The following CUX2 variants were observed in gnomAD, a reference collection of about 807,000 sequenced individuals.
CUX2 encodes the protein homeobox protein cut-like 2.
In CUX2, 40 loss-of-function variants were observed where a neutral mutation model predicts 144.8. The ratio of observed to expected loss-of-function variants is 0.28; its 90% CI spans 0.21 to 0.36. The LOEUF is 0.36. Among genes scored for constraint, CUX2 ranks in the 10% least tolerant of loss-of-function variants. The pLI is 1.00. For missense variants in CUX2, 1,615 were observed against 1,994.0 expected, an observed-to-expected ratio of 0.81 and a Z score of 3.62; for synonymous variants, 827 against 875.6, an observed-to-expected ratio of 0.94 and a Z score of 0.98.
chr12:111,051,667 T>A (rs1463183975), intron 1 of CUX2, among the ~76,000 whole-genome samples: 4 of 152,246 alleles, frequency 2.6e-5, no homozygotes, highest in African/African-American at 9.6e-5. Context: ...AGTTGGATCA[T>A]GTTTTTTATT....
chr12:111,270,971 G>A (rs1168859443), intron 4 of CUX2, among the ~76,000 whole-genome samples: 1 of 152,108 alleles, frequency 6.6e-6, no homozygotes, highest in African/African-American at 2.4e-5. Flanking sequence ...TTTAGAAGAG[G>A]GATAGTAATA....
At chr12:111,196,760 T>C (rs1424582466) in intron 1 of CUX2, among the ~76,000 whole-genome samples, 2 of 152,190 alleles carry the variant, frequency 1.3e-5, no homozygotes, top group Non-Finnish European at 2.9e-5. Context: ...TGTGATTGCA[T>C]TTCATTTAAA....
At chr12:111,148,832 A>G (rs1046848899) in intron 1 of CUX2, among the ~76,000 whole-genome samples, 13 of 152,086 alleles carry the variant, frequency 8.5e-5, no homozygotes, top group African/African-American at 3.1e-4. Context: ...CCCCTTCTCT[A>G]AAAAAATTTT....
At chr12:111,317,391 T>A (rs896590833) in intron 16 of CUX2, among the ~76,000 whole-genome samples, 71 of 148,446 alleles carry the variant, frequency 4.8e-4, no homozygotes, top group Non-Finnish European at 8.8e-5. Flanking sequence ...TCTGTGTGTA[T>A]GTGTGTACAC....
chr12:111,258,344 CT>C (rs1192699591), intron 3 of CUX2, among the ~76,000 whole-genome samples: 1 of 152,134 alleles, frequency 6.6e-6, no homozygotes, highest in African/African-American at 2.4e-5. Context: ...GAAACCCCGT[CT>C]CTACTAAAAG....
intron 1 of CUX2, among the ~76,000 whole-genome samples, chr12:111,067,784 G>T (rs546063361): frequency 2.0e-4 from 30 of 152,178 alleles, no homozygotes; most frequent in Non-Finnish European, 3.2e-4. Flanking sequence ...AGGGGACAGA[G>T]GGAGGCCATA....
At chr12:111,169,302 C>T (rs1878361737) in intron 1 of CUX2, among the ~76,000 whole-genome samples, 1 of 152,094 alleles carries the variant, frequency 6.6e-6, no homozygotes, top group South Asian at 2.1e-4. Flanking sequence ...CTGGAGCCTG[C>T]AGAGTGAGCG....
intron 1 of CUX2, among the ~76,000 whole-genome samples, chr12:111,182,510 G>A (rs1428019982): frequency 2.0e-5 from 3 of 152,164 alleles, no homozygotes; most frequent in African/African-American, 4.8e-5. Flanking sequence ...TTGTAAACTC[G>A]AGACCATCCG....
chr12:111,146,383 T>C (rs1876675014), intron 1 of CUX2, among the ~76,000 whole-genome samples: 1 of 152,218 alleles, frequency 6.6e-6, no homozygotes, highest in Admixed American at 6.5e-5. Flanking sequence ...CCACTGATCA[T>C]TTTACTGCCT....
intron 18 of CUX2, among the ~76,000 whole-genome samples, chr12:111,330,447 C>A (rs1359352934): frequency 2.0e-5 from 3 of 151,784 alleles, no homozygotes; most frequent in African/African-American, 7.3e-5. Context: ...ATCTTGGACA[C>A]GTTGTCTAAC....
Position 111,312,079 on chromosome 12 carries a change from G to A in CUX2, c.1901-21G>A. ...AGCCCAACATGCAGATCCTGCCACA[G>A]ATGCCTTCTTGCCTCCCCAGGCAGC... On this transcript the variant is annotated intron_variant, in intron 15 of 21. Coordinates refer to ENST00000261726, the MANE Select transcript of CUX2 (RefSeq NM_015267.4). This position sits in a 1 kb window ranked among gnomAD's most constrained non-coding sequence, Gnocchi z 4.3. The A allele has an allele frequency of 6.3e-7, 1 of 1,599,738 alleles. No individual in the cohort carries two copies. The highest frequency in any genetic ancestry group is 8.6e-7 in the Non-Finnish European group (1 of 1,169,416).
intron 6 of CUX2, among the ~76,000 whole-genome samples, chr12:111,294,398 G>T (rs1357372167): frequency 6.6e-6 from 1 of 152,024 alleles, no homozygotes; most frequent in East Asian, 1.9e-4. Context: ...GTAAGTCTGT[G>T]TGCCCATATA....
chr12:111,306,387 C>T (rs991939497), intron 10 of CUX2, among the ~76,000 whole-genome samples: 2 of 150,830 alleles, frequency 1.3e-5, no homozygotes, highest in African/African-American at 4.9e-5. Flanking sequence ...ATCAGCCTGA[C>T]TTCAGGTTCC....
At chr12:111,049,256 C>T (rs1303507146) in intron 1 of CUX2, among the ~76,000 whole-genome samples, 3 of 151,880 alleles carry the variant, frequency 2.0e-5, no homozygotes, top group African/African-American at 4.8e-5. Flanking sequence ...AATTCCTCCA[C>T]CCATCCACCC....
chr12:111,270,007 A>T (rs892303319), intron 4 of CUX2, among the ~76,000 whole-genome samples: 1 of 152,214 alleles, frequency 6.6e-6, no homozygotes, highest in Non-Finnish European at 1.5e-5. Flanking sequence ...ACATTTAAGC[A>T]TAACAAAATG....
intron 1 of CUX2, among the ~76,000 whole-genome samples, chr12:111,140,021 C>T (rs150945918): frequency 1.3e-5 from 2 of 152,290 alleles, no homozygotes; most frequent in African/African-American, 4.8e-5. Context: ...ATCAGTGAGG[C>T]AGTCGTGGGA....
intron 3 of CUX2, among the ~76,000 whole-genome samples, chr12:111,226,930 A>G (rs576516072): frequency 6.6e-6 from 1 of 152,358 alleles, no homozygotes; most frequent in Non-Finnish European, 1.5e-5. Context: ...GTGCGGGGCC[A>G]GTCGGTGGGG....
chr12:111,052,150 C>A (rs1272668862), intron 1 of CUX2, among the ~76,000 whole-genome samples: 1 of 152,188 alleles, frequency 6.6e-6, no homozygotes, highest in Non-Finnish European at 1.5e-5. Flanking sequence ...GCCTGCGACA[C>A]TCTTCCCATA....
chr12:111,051,552 C>G (rs1168400482), intron 1 of CUX2, among the ~76,000 whole-genome samples: 1 of 151,752 alleles, frequency 6.6e-6, no homozygotes, highest in African/African-American at 2.4e-5. Flanking sequence ...TAGTTACTCC[C>G]AGTTTCTTAT....
Sources: allele counts gnomAD v4.1 joint callset (sites outside exome capture counted in the v4.1 genomes callset), GRCh38; gene constraint gnomAD v4.1.1; non-coding constraint Gnocchi (gnomAD v3.1); transcripts MANE v1.5; gene names NCBI Gene and HGNC (gene_info 2026-07-23, HGNC 2026-07-21).